The following DPY19L1 variants were observed in gnomAD, a reference collection of about 807,000 sequenced individuals.
The protein encoded by DPY19L1 is protein C-mannosyl-transferase DPY19L1.
Under a neutral mutation model 96.9 loss-of-function variants are expected in DPY19L1, and 35 were observed. The observed-to-expected ratio is 0.36, with a 90% CI of 0.28 to 0.48. DPY19L1 has a LOEUF of 0.48. Ranked by LOEUF, DPY19L1 falls within the 20% of genes least tolerant of loss-of-function variation. DPY19L1 has a pLI of 0.99. For synonymous variants in DPY19L1, 205 were observed against 252.6 expected (o/e 0.81, Z 1.79); for missense variants, 521 against 777.9 (o/e 0.67, Z 3.93).
At chr7:34,963,538 C>G (rs1784547210) in intron 10 of DPY19L1, among the ~76,000 whole-genome samples, 1 of 152,206 alleles carries the variant, frequency 6.6e-6, no homozygotes, top group South Asian at 2.1e-4. Flanking sequence ...ATGTTCATAG[C>G]AGCATTATTT....
intron 14 of DPY19L1, among the ~76,000 whole-genome samples, chr7:34,949,520 C>T (rs1784226089): frequency 6.6e-6 from 1 of 152,174 alleles, no homozygotes; most frequent in African/African-American, 2.4e-5. Flanking sequence ...AATGCTATCA[C>T]TGAAAAATGG....
chr7:34,932,234 T>C (rs1310941007), intron 21 of DPY19L1, among the ~76,000 whole-genome samples: 3 of 152,236 alleles, frequency 2.0e-5, no homozygotes, highest in Admixed American at 6.5e-5. Context: ...ATTGTATAGA[T>C]GCTCCTCAAC....
rs569377857 is a variant in DPY19L1 at position 34,983,535 on chromosome 7, G to C, written c.822+6349C>G. ...GGAGGGAAGGAGGGAAGAAAGGAAG[G>C]CAAGAAGGGAAGAAGAGAGGGAGGG... On this transcript the variant is annotated intron_variant, in intron 7 of 21. Coordinates refer to ENST00000638088, the MANE Select transcript of DPY19L1 (RefSeq NM_001366673.1). 1.0e-3 allele frequency among the ~76,000 whole-genome samples: 142 copies of C among 135,556 alleles called. 1 individual carries two copies. The highest frequency in any genetic ancestry group is 4.1e-3 in the South Asian group (15 of 3,682). The allele number at this position is 135,556 out of a possible 152,430, so 88.9% of individuals were successfully genotyped here.
chr7:35,030,264 G>C (rs944228156), intron 1 of DPY19L1, among the ~76,000 whole-genome samples: 2 of 152,226 alleles, frequency 1.3e-5, no homozygotes, highest in African/African-American at 4.8e-5. Context: ...GGGCAGAGTA[G>C]TAGCACTTTG....
chr7:35,005,719 G>A lies in DPY19L1; in HGVS notation c.764+4749C>T, dbSNP rs990607933. Among the ~76,000 whole-genome samples, 18 of 151,404 alleles carry A rather than the reference G, an allele frequency of 1.2e-4. No individual in the cohort carries two copies. The South Asian group carries it at 1.5e-3, about 12-fold the overall frequency. ...TCCCAGATACTCAGGAGGCTGAGAC[G>A]AGAATTGCTTGAACCCGGGAGGTGG... On this transcript the variant is annotated intron_variant, in intron 6 of 21. Coordinates refer to ENST00000638088, the MANE Select transcript of DPY19L1 (RefSeq NM_001366673.1).
intron 21 of DPY19L1, among the ~76,000 whole-genome samples, chr7:34,937,448 T>C (rs1156860868): frequency 6.6e-6 from 1 of 152,188 alleles, no homozygotes; most frequent in Admixed American, 6.5e-5. Flanking sequence ...CTGGAAGTCT[T>C]TTGAAAGAAA....
chr7:34,930,435 A>G lies in DPY19L1; in HGVS notation c.*1138T>C, dbSNP rs1404618004. 3 of 152,216 alleles carry G rather than the reference A, an allele frequency of 2.0e-5. No homozygotes were observed. The highest frequency in any genetic ancestry group is 2.4e-5 in the African/African-American group (1 of 41,442). 9.4% of individuals were successfully genotyped at this position (152,216 alleles called of 1,614,324 possible). ...TCCTTATACTGAAATGATGGTTTTT[A>G]GAACCAAAATTATAACATAAGGCTT... is the stretch of plus-strand genomic sequence containing the variant. On this transcript the variant is annotated 3_prime_UTR_variant, in exon 22 of 22. Coordinates refer to ENST00000638088, the MANE Select transcript of DPY19L1 (RefSeq NM_001366673.1).
At chr7:34,950,573 A>T (rs1219492801) in intron 13 of DPY19L1, among the ~76,000 whole-genome samples, 1 of 152,202 alleles carries the variant, frequency 6.6e-6, no homozygotes, top group Non-Finnish European at 1.5e-5. Context: ...ACAACCAAAG[A>T]AAAGAGGAGA....
chr7:34,964,377 T>TA (rs1337862100), intron 10 of DPY19L1, among the ~76,000 whole-genome samples: 2 of 152,138 alleles, frequency 1.3e-5, no homozygotes, highest in African/African-American at 4.8e-5. Context: ...TAACATTTAA[T>TA]CTGATTTATA....
intron 20 of DPY19L1, 50 bp downstream of exon 20, chr7:34,939,226 G>A: frequency 6.6e-7 from 1 of 1,522,344 alleles, no homozygotes; most frequent in South Asian, 1.2e-5. Flanking sequence ...TCCACTCACT[G>A]TCTGTTTGCA....
At chr7:34,973,374 G>A (rs929677446) in intron 8 of DPY19L1, 140 bp downstream of exon 8, 2 of 450,968 alleles carry the variant, frequency 4.4e-6, no homozygotes, top group Non-Finnish European at 7.4e-6. Flanking sequence ...CTATTTTTAA[G>A]TTACACTCTT....
At chr7:34,995,632 TTA>T (rs1266650880) in intron 6 of DPY19L1, among the ~76,000 whole-genome samples, 1 of 152,174 alleles carries the variant, frequency 6.6e-6, no homozygotes, top group Non-Finnish European at 1.5e-5. Flanking sequence ...ATTGAGATTT[TTA>T]TCTCTATTTA....
At chr7:34,972,149 T>A (rs1484912713) in intron 8 of DPY19L1, among the ~76,000 whole-genome samples, 2 of 152,136 alleles carry the variant, frequency 1.3e-5, no homozygotes, top group Non-Finnish European at 2.9e-5. Context: ...TCCCAAGAAA[T>A]GCAGACAGCC....
At chr7:35,032,137 CAAG>C (rs1053102701) in intron 1 of DPY19L1, among the ~76,000 whole-genome samples, 15 of 152,102 alleles carry the variant, frequency 9.9e-5, no homozygotes, top group Non-Finnish European at 2.1e-4. Context: ...AAGGAAGAAA[CAAG>C]AAAACTAACA....
chr7:34,957,881 G>T (rs1584217390), intron 11 of DPY19L1, 103 bp downstream of exon 11: 1 of 695,440 alleles, frequency 1.4e-6, no homozygotes, highest in Non-Finnish European at 2.4e-6. Flanking sequence ...AGACACTTAA[G>T]ATGGTTCCTA....
At chr7:34,995,800 T>C (rs1386287882) in intron 6 of DPY19L1, among the ~76,000 whole-genome samples, 2 of 151,832 alleles carry the variant, frequency 1.3e-5, no homozygotes, top group South Asian at 2.1e-4. Context: ...CAAATTAAGA[T>C]AATTTCCAAT....
At chr7:34,949,649 CAG>C in intron 14 of DPY19L1, 146 bp downstream of exon 14, 1 of 572,694 alleles carries the variant, frequency 1.7e-6, no homozygotes, top group South Asian at 2.1e-5. Flanking sequence ...CTAAAGTAAA[CAG>C]AAAAATCTTC....
chr7:34,991,665 A>G (rs1217614126), intron 6 of DPY19L1, among the ~76,000 whole-genome samples: 1 of 152,218 alleles, frequency 6.6e-6, no homozygotes, highest in Non-Finnish European at 1.5e-5. Flanking sequence ...AGAAGTTTAT[A>G]GGGGAAAAAA....
rs1785899355 is a variant in DPY19L1 at position 35,017,914 on chromosome 7, A to G, written c.379T>C (p.Leu127=). 8 of 1,607,072 alleles carry G rather than the reference A, an allele frequency of 5.0e-6. No homozygotes were observed. The highest frequency in any genetic ancestry group is 6.8e-6 in the Non-Finnish European group (8 of 1,176,440). The change falls in exon 3 of 22, where the codon TTG becomes CTG. Residue 127 remains leucine (L), a synonymous_variant. Coordinates refer to ENST00000638088, the MANE Select transcript of DPY19L1 (RefSeq NM_001366673.1). ...GTGCGAAAAGCCATCTCCCTTTCCA[A>G]TGTTGAGAGGTGAGAAAAATGACGG... ...NDRHFSHLST[L]EREMAFRTEM... is the part of the protein sequence containing the mutation.
Sources: gnomAD v4.1 joint callset for allele counts (sites outside exome capture counted in the v4.1 genomes callset) on GRCh38, gnomAD v4.1.1 for gene constraint, MANE v1.5 for transcripts, NCBI Gene and HGNC (gene_info 2026-07-23, HGNC 2026-07-21) for gene names.